Variants in LRRFIP2 observed in about 807,000 individuals in gnomAD.
LRRFIP2 encodes LRR binding FLII interacting protein 2.
LRRFIP2 carries 109 observed loss-of-function variants against 125.9 expected under a neutral mutation model. That is an observed-to-expected ratio of 0.87 (90% CI 0.74 to 1.01). The LOEUF (loss-of-function observed/expected upper bound fraction) is 1.01, where lower values mean the gene tolerates loss of function less well. Among genes scored for constraint, LRRFIP2 ranks in the 50% least tolerant of loss-of-function variants. The probability of loss-of-function intolerance (pLI) is 0.00; values close to 1 mark genes in which losing one functional copy is unlikely to be tolerated. For synonymous variants in LRRFIP2, 291 were observed against 293.1 expected (o/e 0.99, Z 0.07); for missense variants, 850 against 862.3 (o/e 0.99, Z 0.18).
rs2088485690 is a variant in LRRFIP2, at chr3:37,060,994, G to A, written c.1750-2084C>T. On this transcript the variant is annotated intron_variant, in intron 24 of 27. Coordinates refer to ENST00000336686, the MANE Select transcript of LRRFIP2 (RefSeq NM_006309.4). The surrounding 1 kb of genome is among the most constrained non-coding windows in gnomAD (Gnocchi z 4.1). ...TGCTGAAGGTGGGGCCTGGCAGGAG[G>A]TATCTGGGTCATGGGGCAGATCCCT... Among the ~76,000 whole-genome samples the A allele has an allele frequency of 1.3e-5, 2 of 152,176 alleles. No individual in the cohort carries two copies. Among genetic ancestry groups the A allele is most frequent in the Non-Finnish European group, 2.9e-5 (2 of 68,030 alleles).
intron 18 of LRRFIP2, among the ~76,000 whole-genome samples, chr3:37,085,500 AAC>A: frequency 6.6e-6 from 1 of 151,912 alleles, no homozygotes; most frequent in South Asian, 2.1e-4. Context: ...CAGCCTGGGT[AAC>A]AGAGTGAGAC....
At chr3:37,059,200 T>C (rs1008338271) in intron 24 of LRRFIP2, among the ~76,000 whole-genome samples, 2 of 152,110 alleles carry the variant, frequency 1.3e-5, no homozygotes, top group African/African-American at 4.8e-5. Flanking sequence ...GGGGTATTTT[T>C]TGTTACTTTT....
intron 2 of LRRFIP2, among the ~76,000 whole-genome samples, chr3:37,135,419 C>A (rs1376094382): frequency 6.6e-6 from 1 of 150,402 alleles, no homozygotes; most frequent in Non-Finnish European, 1.5e-5. Context: ...GATTATGCCA[C>A]TGCACTCCAG....
intron 17 of LRRFIP2, among the ~76,000 whole-genome samples, chr3:37,093,496 T>C (rs906332285): frequency 2.6e-5 from 4 of 152,176 alleles, no homozygotes; most frequent in African/African-American, 9.7e-5. Flanking sequence ...TCCCTACCAA[T>C]TGCCCAACCA....
At chr3:37,162,620 A>C (rs2096377858) in intron 1 of LRRFIP2, among the ~76,000 whole-genome samples, 1 of 152,240 alleles carries the variant, frequency 6.6e-6, no homozygotes, top group African/African-American at 2.4e-5. Flanking sequence ...GGCTTCAGCA[A>C]GTAAAACTGA....
At position 37,091,494 on chromosome 3, in the gene LRRFIP2, T is replaced by A. The variant is rs1469403912; in HGVS notation, c.1080A>T (p.Arg360Ser). ...TTAGTTCTTTAAGCCCCTGCATGTA[T>A]CTCCCTTCTACATCCTGTATCTGGT... The part of the protein sequence containing the change: ...LKDQIQDVEG[R>S]YMQGLKELKE... The change falls in exon 18 of 28, where the codon AGA becomes AGT. Residue 360 changes from arginine (R) to serine (S), a missense_variant. Arg to Ser is a moderately radical substitution (Grantham distance 110). Coordinates refer to ENST00000336686, the MANE Select transcript of LRRFIP2 (RefSeq NM_006309.4). The A allele has an allele frequency of 6.2e-7, 1 of 1,612,412 alleles. No homozygotes were observed. Among genetic ancestry groups the A allele is most frequent in the African/African-American group, 1.3e-5 (1 of 74,846 alleles).
At chr3:37,103,711 C>A (rs1312551458) in intron 14 of LRRFIP2, among the ~76,000 whole-genome samples, 1 of 152,134 alleles carries the variant, frequency 6.6e-6, no homozygotes, top group East Asian at 1.9e-4. Context: ...AAGGGTAACC[C>A]ACACACATAG....
chr3:37,103,053 G>T, intron 14 of LRRFIP2, 40 bp from the exon 15 acceptor site: 1 of 1,449,994 alleles, frequency 6.9e-7, no homozygotes, highest in Non-Finnish European at 9.3e-7. Context: ...TCAAGGTTAA[G>T]AAAAAAGAAA....
Position 37,109,678 on chromosome 3 carries a change from G to C in LRRFIP2, c.539C>G (p.Pro180Arg). 1 of 1,613,996 alleles carries C rather than the reference G, an allele frequency of 6.2e-7. No individual in the cohort carries two copies. Among genetic ancestry groups the C allele is most frequent in the East Asian group, 2.2e-5 (1 of 44,872 alleles). The part of the protein sequence containing the change: ...TRQSSSLYSD[P>R]LATYKSDRAS... Reference sequence around the variant, plus strand: ...CCTGTCACTCTTATATGTTGCCAGAGGGTCACTGTACAGGGAAGAAGACTG... The same window carrying C: ...CCTGTCACTCTTATATGTTGCCAGACGGTCACTGTACAGGGAAGAAGACTG... Residue 180 changes from proline (P) to arginine (R), a missense_variant, in exon 10 of 28, where the codon CCT (proline) becomes CGT (arginine). By Grantham distance (103) the Pro-to-Arg change is moderately radical. Transcript: ENST00000336686.
At chr3:37,134,515 TCTCCA>T (rs2095509177) in intron 2 of LRRFIP2, 1 of 362,732 alleles carries the variant, frequency 2.8e-6, no homozygotes, top group Admixed American at 3.7e-5. Context: ...ATGAGAGTCG[TCTCCA>T]CAATACCAAG....
chr3:37,141,815 C>A (rs2095709276), intron 2 of LRRFIP2, among the ~76,000 whole-genome samples: 1 of 152,140 alleles, frequency 6.6e-6, no homozygotes, highest in Non-Finnish European at 1.5e-5. Context: ...TCCTGTCCCT[C>A]AGGACAGCCA....
intron 17 of LRRFIP2, among the ~76,000 whole-genome samples, chr3:37,092,836 C>T (rs78189854): frequency 1.2e-3 from 179 of 152,014 alleles, no homozygotes; most frequent in African/African-American, 3.7e-3. Context: ...CCAACCCTAC[C>T]GACAATTTAT....
intron 15 of LRRFIP2, among the ~76,000 whole-genome samples, chr3:37,100,459 T>C: frequency 6.9e-6 from 1 of 145,826 alleles, no homozygotes. Context: ...TGTGTGTGTA[T>C]ACACAAATAC....
At chr3:37,105,611 T>C in intron 13 of LRRFIP2, 88 bp from the exon 14 acceptor site, 2 of 866,324 alleles carry the variant, frequency 2.3e-6, no homozygotes, top group Non-Finnish European at 3.9e-6. Context: ...GGTTTTGAGA[T>C]GCATATGAAT....
chr3:37,145,781 T>G (rs2095842784), intron 2 of LRRFIP2, among the ~76,000 whole-genome samples: 1 of 152,160 alleles, frequency 6.6e-6, no homozygotes, highest in Admixed American at 6.5e-5. Context: ...TGAGAAACAA[T>G]CTGGCATAGT....
intron 1 of LRRFIP2, among the ~76,000 whole-genome samples, chr3:37,160,859 A>C (rs2096319736): frequency 6.6e-6 from 1 of 152,162 alleles, no homozygotes. Flanking sequence ...AAAACACAAC[A>C]GAAATAATCA....
intron 1 of LRRFIP2, among the ~76,000 whole-genome samples, chr3:37,159,598 C>T (rs1577822751): frequency 6.6e-6 from 1 of 152,122 alleles, no homozygotes; most frequent in East Asian, 1.9e-4. Flanking sequence ...CCTCCTTCTC[C>T]CTGACTCAAG....
Position 37,083,726 on chromosome 3 carries a change from C to T in LRRFIP2, c.1188G>A (p.Leu396=). ...CCTTGAGTGTGTCTACTTGGTAGATCAAATTGTTCTTCTCATTGTCTAACT... is the reference window on the plus strand; with the variant it reads ...CCTTGAGTGTGTCTACTTGGTAGATTAAATTGTTCTTCTCATTGTCTAACT... ...NAQLDNEKNN[L]IYQVDTLKDV... Residue 396 remains leucine, a synonymous_variant, in exon 19 of 28, where the codon TTG becomes TTA. Coordinates refer to ENST00000336686, the MANE Select transcript of LRRFIP2 (RefSeq NM_006309.4). The T allele has an allele frequency of 6.2e-7, 1 of 1,601,584 alleles. No individual in the cohort carries two copies. The highest frequency in any genetic ancestry group is 8.5e-7 in the Non-Finnish European group (1 of 1,175,684).
chr3:37,112,770 A>C (rs937405777), intron 8 of LRRFIP2, 145 bp downstream of exon 8: 2 of 515,086 alleles, frequency 3.9e-6, no homozygotes, highest in Non-Finnish European at 6.8e-6. Flanking sequence ...AAATGAAAAC[A>C]AAATTATTTT....
Sources: allele counts gnomAD v4.1 joint callset (sites outside exome capture counted in the v4.1 genomes callset), GRCh38; gene constraint gnomAD v4.1.1; non-coding constraint Gnocchi (gnomAD v3.1); transcripts MANE v1.5; gene names NCBI Gene and HGNC (gene_info 2026-07-23, HGNC 2026-07-21).